HOOK1: variants seen among roughly 807,000 people sequenced by gnomAD.
The protein encoded by HOOK1 is protein Hook homolog 1.
In HOOK1, 60 loss-of-function variants were observed where a neutral mutation model predicts 112.8. The ratio of observed to expected loss-of-function variants is 0.53; its 90% confidence interval spans 0.43 to 0.66. The LOEUF (loss-of-function observed/expected upper bound fraction) is 0.66, where lower values mean the gene tolerates loss of function less well. HOOK1 is among the 30% of genes least tolerant of loss of function. The pLI is 0.00. For synonymous variants in HOOK1, 294 were observed against 283.8 expected, an observed-to-expected ratio of 1.04 and a Z score of -0.36; for missense variants, 770 against 856.0, an observed-to-expected ratio of 0.90 and a Z score of 1.25.
chr1:59,820,438 C>A (rs1410833724), intron 1 of HOOK1, among the ~76,000 whole-genome samples: 1 of 152,126 alleles, frequency 6.6e-6, no homozygotes, highest in Non-Finnish European at 1.5e-5. Context: ...TTGGTTGTCA[C>A]CCCTTCCCCA....
Position 59,873,780 on chromosome 1 carries a change from T to C in HOOK1, c.*815T>C, listed in dbSNP as rs1644094760. 3 of 138,636 alleles carry C rather than the reference T, an allele frequency of 2.2e-5. No individual in the cohort carries two copies. Among genetic ancestry groups the C allele is most frequent in the Admixed American group, 1.4e-4 (2 of 13,866 alleles). The allele number at this position is 138,636 out of a possible 1,614,324, so 8.6% of individuals were successfully genotyped here. A position where few individuals can be genotyped will look rare whatever the true frequency, so the allele number is the denominator to read the frequency against. Reference sequence around the variant, plus strand: ...ATATATATATACTTTTTGTGAAATGTCTATATACTTTTTAAGGTAATTAAT... The same window carrying C: ...ATATATATATACTTTTTGTGAAATGCCTATATACTTTTTAAGGTAATTAAT... On this transcript the variant is annotated 3_prime_UTR_variant, in exon 22 of 22. Coordinates refer to ENST00000371208, the MANE Select transcript of HOOK1 (RefSeq NM_015888.6).
intron 20 of HOOK1, 121 bp from the exon 21 acceptor site, chr1:59,870,921 T>C: frequency 1.5e-6 from 1 of 661,896 alleles, no homozygotes; most frequent in Non-Finnish European, 2.7e-6. Context: ...GACTACATTG[T>C]GTGCCTCACA....
At chr1:59,843,065 A>G (rs932195378) in intron 8 of HOOK1, among the ~76,000 whole-genome samples, 3 of 151,966 alleles carry the variant, frequency 2.0e-5, no homozygotes, top group African/African-American at 4.8e-5. Context: ...AGCAGGTGAC[A>G]TCATTCTAAA....
rs994391165 is a variant in HOOK1, at chr1:59,836,205, T to C, written c.475-668T>C. 1.3e-5 allele frequency among the ~76,000 whole-genome samples: 2 copies of C among 152,190 alleles called. 1 individual carries two copies. Among genetic ancestry groups the C allele is most frequent in the African/African-American group, 4.8e-5 (2 of 41,438 alleles). ...AGTTGGATTAAAGCTAGTCTAGTTA[T>C]CTAAGTTGAGCCAGGAAGGATTCAG... On this transcript the variant is annotated intron_variant, in intron 6 of 21. Transcript: ENST00000371208.
rs1250079336 is a variant in HOOK1, at chr1:59,840,384, A to T, written c.614A>T (p.Asp205Val). ...CTGAGGCAAAGATGTGAAGAATTGG[A>T]TATGCAGGTACGGGAAAAAACCCTG... The part of the protein sequence containing the change: ...EELRQRCEEL[D>V]MQVTTLQDEK... The change falls in exon 8 of 22, where the codon GAT (aspartate) becomes GTT (valine). Residue 205 changes from aspartate (D) to valine (V), a missense_variant. By Grantham distance (152) the Asp-to-Val change is radical. Around this residue, in one of 3 missense-constraint regions of HOOK1, gnomAD observed 655 missense variants for 725.9 expected, o/e 0.90. Transcript: ENST00000371208. 1 of 1,568,150 alleles carries T rather than the reference A, an allele frequency of 6.4e-7. No homozygotes were observed. Among genetic ancestry groups the T allele is most frequent in the Admixed American group, 1.9e-5 (1 of 53,124 alleles).
chr1:59,848,413 T>C lies in HOOK1; in HGVS notation c.1028T>C (p.Leu343Ser). ...GACCTTCGCAAGCAGGTGAAAACTT[T>C]ACAGGAAACCAACATGATGTATATG... ...LNDLRKQVKT[L>S]QETNMMYMHN... is the part of the protein sequence containing the mutation. The change falls in exon 11 of 22, where the codon TTA becomes TCA. Residue 343 changes from leucine to serine, a missense_variant. Physicochemically the swap from Leu to Ser is moderately radical, Grantham distance 145 (BLOSUM62 -2). Coordinates refer to ENST00000371208, the MANE Select transcript of HOOK1 (RefSeq NM_015888.6). The C allele has an allele frequency of 6.2e-7, 1 of 1,611,158 alleles. No individual in the cohort carries two copies. Among genetic ancestry groups the C allele is most frequent in the Non-Finnish European group, 8.5e-7 (1 of 1,177,928 alleles).
chr1:59,817,210 A>G (rs1405237897), intron 1 of HOOK1, among the ~76,000 whole-genome samples: 1 of 152,214 alleles, frequency 6.6e-6, no homozygotes, highest in Non-Finnish European at 1.5e-5. Context: ...TGTTAAAGTC[A>G]TACTGTATTT....
intron 2 of HOOK1, among the ~76,000 whole-genome samples, chr1:59,828,016 C>T (rs1270616389): frequency 1.3e-5 from 2 of 152,146 alleles, no homozygotes; most frequent in Non-Finnish European, 2.9e-5. Flanking sequence ...TACTTTTCTC[C>T]TTTAATAACT....
intron 1 of HOOK1, 123 bp from the exon 2 acceptor site, chr1:59,821,735 C>G (rs2098385784): frequency 1.5e-6 from 1 of 651,530 alleles, no homozygotes; most frequent in Non-Finnish European, 2.5e-6. Flanking sequence ...TACATTTAAA[C>G]AAAACAGGAC....
chr1:59,855,972 A>T (rs1460355232), intron 12 of HOOK1, among the ~76,000 whole-genome samples: 8 of 67,794 alleles, frequency 1.2e-4, no homozygotes, highest in Non-Finnish European at 2.4e-4. Context: ...ATTATTATAT[A>T]TATATATATA....
rs1220856689 is a variant in HOOK1 at position 59,875,643 on chromosome 1, G to A, written c.*2678G>A. 1.3e-5 allele frequency: 2 copies of A among 152,214 alleles called. No homozygotes were observed. Among genetic ancestry groups the A allele is most frequent in the Admixed American group, 6.5e-5 (1 of 15,274 alleles). The allele number at this position is 152,214 out of a possible 1,614,324, so 9.4% of individuals were successfully genotyped here. A position where few individuals can be genotyped will look rare whatever the true frequency, so the allele number is the denominator to read the frequency against. On this transcript the variant is annotated 3_prime_UTR_variant, in exon 22 of 22. Transcript: ENST00000371208. ...AATTAAATGTCCTAGTGATTATAAA[G>A]TAAAACCACAGACCAATTTGCAAAT...
intron 21 of HOOK1, among the ~76,000 whole-genome samples, chr1:59,871,490 G>C (rs980719191): frequency 6.6e-6 from 1 of 152,116 alleles, no homozygotes. Flanking sequence ...AATGCTTCTA[G>C]TTACTCAGTA....
intron 2 of HOOK1, among the ~76,000 whole-genome samples, chr1:59,822,474 G>A (rs2098386355): frequency 6.6e-6 from 1 of 152,116 alleles, no homozygotes; most frequent in African/African-American, 2.4e-5. Context: ...CACAGGTACT[G>A]GGAAACTTTA....
intron 9 of HOOK1, 58 bp from the exon 10 acceptor site, chr1:59,846,987 T>G: frequency 7.1e-7 from 1 of 1,400,958 alleles, no homozygotes; most frequent in Non-Finnish European, 9.7e-7. Context: ...CAAGTTACAA[T>G]TATATAATTA....
intron 10 of HOOK1, 68 bp downstream of exon 10, chr1:59,847,253 A>C (rs1036071748): frequency 2.0e-5 from 27 of 1,321,098 alleles, no homozygotes; most frequent in Non-Finnish European, 2.9e-5. Flanking sequence ...AGTATTTCAT[A>C]TTTTAATCAG....
At position 59,860,278 on chromosome 1, in the gene HOOK1, G is replaced by A. The variant is rs2098412868; in HGVS notation, c.1482G>A (p.Glu494=). Residue 494 remains glutamate, a synonymous_variant, in exon 15 of 22, where the codon GAG becomes GAA. Coordinates refer to ENST00000371208, the MANE Select transcript of HOOK1 (RefSeq NM_015888.6). ...SENERIEELQ[E]QLEQKHRKMN... is the part of the protein sequence containing the mutation. ...ATGAACGTATTGAGGAACTTCAGGA[G>A]CAGCTAGAACAGAAACACCGTAAAA... 1.2e-6 allele frequency: 2 copies of A among 1,610,778 alleles called. No individual in the cohort carries two copies. Among genetic ancestry groups the A allele is most frequent in the Non-Finnish European group, 1.7e-6 (2 of 1,178,048 alleles).
At chr1:59,843,151 A>T (rs1255540462) in intron 8 of HOOK1, among the ~76,000 whole-genome samples, 5 of 151,720 alleles carry the variant, frequency 3.3e-5, no homozygotes, top group Admixed American at 1.3e-4. Flanking sequence ...TAGAGACTTG[A>T]AAACATTTTC....
chr1:59,840,227 G>T lies in HOOK1; in HGVS notation c.538-81G>T. 3.6e-6 allele frequency: 3 copies of T among 834,232 alleles called. No homozygotes were observed. In the African/African-American group the frequency reaches 5.3e-5, roughly 15 times the overall value. 51.7% of individuals were successfully genotyped at this position (834,232 alleles called of 1,614,324 possible). On this transcript the variant is annotated intron_variant, in intron 7 of 21. Transcript: ENST00000371208. ...TCCCATATCAGTGTATATGTGTGTTGTGAGAAGAGTATATTTTTCTATTTT... is the reference window on the plus strand; with the variant it reads ...TCCCATATCAGTGTATATGTGTGTTTTGAGAAGAGTATATTTTTCTATTTT...
intron 9 of HOOK1, 139 bp downstream of exon 9, chr1:59,843,737 G>A (rs2098402207): frequency 3.2e-6 from 2 of 632,000 alleles, no homozygotes; most frequent in South Asian, 2.5e-5. Context: ...ATACCAGATG[G>A]TATAAGTGGT....
Sources: allele counts gnomAD v4.1 joint callset (sites outside exome capture counted in the v4.1 genomes callset), GRCh38; gene constraint gnomAD v4.1.1; regional missense constraint gnomAD v4.1.1; transcripts MANE v1.5; gene names NCBI Gene and HGNC (gene_info 2026-07-23, HGNC 2026-07-21).